The following MYT1L variants were observed in gnomAD, a reference collection of about 807,000 sequenced individuals.
MYT1L encodes the protein myelin transcription factor 1-like protein.
A neutral mutation model predicts 126.7 loss-of-function variants in MYT1L; 12 were observed. That is an observed-to-expected ratio of 0.09 (90% CI 0.06 to 0.15). The LOEUF is 0.15. Among genes scored for constraint, MYT1L ranks in the 10% least tolerant of loss-of-function variants. The pLI is 1.00. For missense variants in MYT1L, 979 were observed against 1,585.2 expected, an observed-to-expected ratio of 0.62 and a Z score of 6.49; for synonymous variants, 541 against 604.2, an observed-to-expected ratio of 0.90 and a Z score of 1.53.
intron 21 of MYT1L, 91 bp from the exon 22 acceptor site, chr2:1,809,258 T>C: frequency 1.6e-6 from 2 of 1,252,300 alleles, no homozygotes. Flanking sequence ...AGAATAGCAT[T>C]ATTAGGTTGG....
At position 2,140,436 on chromosome 2, in the gene MYT1L, T is replaced by C. The variant is rs1400675750; in HGVS notation, c.-304+32436A>G. ...TTATTTTTTTTCTTTCTTTTTCTTT[T>C]TTTTTTTTTTTTTTTTGAGACAGAG... On this transcript the variant is annotated intron_variant, in intron 3 of 24. Coordinates refer to ENST00000647738, the MANE Select transcript of MYT1L (RefSeq NM_001303052.2). Among the ~76,000 whole-genome samples the C allele has an allele frequency of 1.9e-4, 27 of 141,430 alleles. 1 individual carries two copies. The highest frequency in any genetic ancestry group is 1.0e-3 in the Admixed American group (15 of 14,414). The allele number at this position is 141,430 out of a possible 152,430, so 92.8% of individuals were successfully genotyped here.
chr2:2,016,196 C>T (rs998014015), intron 4 of MYT1L, among the ~76,000 whole-genome samples: 1 of 152,224 alleles, frequency 6.6e-6, no homozygotes, highest in African/African-American at 2.4e-5. Flanking sequence ...AGCCACTGCT[C>T]TCTGGAGCTT....
intron 2 of MYT1L, among the ~76,000 whole-genome samples, chr2:2,254,483 C>T (rs1208203409): frequency 6.6e-6 from 1 of 152,176 alleles, no homozygotes; most frequent in African/African-American, 2.4e-5. Flanking sequence ...AGAAGGGACT[C>T]TAGAGCTGCA....
chr2:1,887,384 T>C lies in MYT1L; in HGVS notation c.2642+104A>G, dbSNP rs940871036. 4.0e-5 allele frequency: 58 copies of C among 1,458,722 alleles called. No individual in the cohort carries two copies. The highest frequency in any genetic ancestry group is 5.4e-5 in the Non-Finnish European group (57 of 1,050,968). 90.4% of individuals were successfully genotyped at this position (1,458,722 alleles called of 1,614,324 possible). A position where few individuals can be genotyped will look rare whatever the true frequency, so the allele number is the denominator to read the frequency against. On this transcript the variant is annotated intron_variant, in intron 17 of 24. Coordinates refer to ENST00000647738, the MANE Select transcript of MYT1L (RefSeq NM_001303052.2). The surrounding 1 kb of genome is among the most constrained non-coding windows in gnomAD (Gnocchi z 4.8). The stretch of plus-strand genomic sequence containing the variant: ...CGGAAACATTTATATGCTGCGAATG[T>C]CGCATGCTCAAACGGCAAGGCATAT...
At chr2:1,993,387 A>G (rs2061590721) in intron 5 of MYT1L, among the ~76,000 whole-genome samples, 1 of 152,188 alleles carries the variant, frequency 6.6e-6, no homozygotes, top group South Asian at 2.1e-4. Context: ...CCACAATGGA[A>G]TGAATACACA....
chr2:2,098,158 T>C (rs1031972725), intron 3 of MYT1L, among the ~76,000 whole-genome samples: 1 of 152,174 alleles, frequency 6.6e-6, no homozygotes, highest in Admixed American at 6.5e-5. Flanking sequence ...CAGATATTCC[T>C]TTGTAGTGAT....
At chr2:2,143,259 C>T (rs2084309308) in intron 3 of MYT1L, among the ~76,000 whole-genome samples, 1 of 147,456 alleles carries the variant, frequency 6.8e-6, no homozygotes, top group African/African-American at 2.5e-5. Flanking sequence ...CACTGCATTC[C>T]AGCCTGGGCG....
At chr2:2,121,914 A>G (rs2081069772) in intron 3 of MYT1L, among the ~76,000 whole-genome samples, 2 of 152,134 alleles carry the variant, frequency 1.3e-5, no homozygotes, top group African/African-American at 4.8e-5. Context: ...TTTCTGCCAC[A>G]TGAGACCACC....
chr2:2,072,458 C>G (rs1357728711), intron 3 of MYT1L, among the ~76,000 whole-genome samples: 1 of 152,200 alleles, frequency 6.6e-6, no homozygotes, highest in Non-Finnish European at 1.5e-5. Flanking sequence ...TCAGAATCGT[C>G]TTCCTGTCCT....
rs200666062 is a variant in MYT1L at position 2,009,149 on chromosome 2, GT to G, written c.-157-11803del. On this transcript the variant is annotated intron_variant, in intron 4 of 24. Transcript: ENST00000647738. ...CCAACTTTGTTTTTCCTTCTCAGTGGTTTTTTTTTTCTTTTTTTCCTGGCTT... is the reference window on the plus strand; with the variant it reads ...CCAACTTTGTTTTTCCTTCTCAGTGGTTTTTTTTTCTTTTTTTCCTGGCTT... Among the ~76,000 whole-genome samples, 12 of 145,136 alleles carry G rather than the reference GT, an allele frequency of 8.3e-5. No homozygotes were observed. The South Asian group carries it at 9.2e-4, about 11-fold the overall frequency.
Position 2,082,334 on chromosome 2 carries a change from G to A in MYT1L, c.-303-28211C>T, listed in dbSNP as rs73190474. Among the ~76,000 whole-genome samples the A allele has an allele frequency of 9.5e-3, 1,453 of 152,310 alleles. 23 individuals carry two copies. The highest frequency in any genetic ancestry group is 0.033 in the African/African-American group (1,353 of 41,566). On this transcript the variant is annotated intron_variant, in intron 3 of 24. Coordinates refer to ENST00000647738, the MANE Select transcript of MYT1L (RefSeq NM_001303052.2). ...AACTAACATTGTTTGAAGTTATGGAGAACTTTAGTACCATAAAAGTTAAGT... is the reference window on the plus strand; with the variant it reads ...AACTAACATTGTTTGAAGTTATGGAAAACTTTAGTACCATAAAAGTTAAGT...
intron 4 of MYT1L, among the ~76,000 whole-genome samples, chr2:2,016,630 T>C (rs1336670142): frequency 6.6e-6 from 1 of 152,116 alleles, no homozygotes; most frequent in Non-Finnish European, 1.5e-5. Flanking sequence ...TGGGGAAACA[T>C]ATGTGAAAGA....
chr2:2,157,633 A>G (rs896651407), intron 3 of MYT1L, among the ~76,000 whole-genome samples: 3 of 152,228 alleles, frequency 2.0e-5, no homozygotes, highest in Non-Finnish European at 4.4e-5. Flanking sequence ...GAAAGGCAGG[A>G]GATGAAACAT....
At chr2:2,037,486 C>T (rs1283961863) in intron 4 of MYT1L, among the ~76,000 whole-genome samples, 6 of 150,516 alleles carry the variant, frequency 4.0e-5, no homozygotes, top group East Asian at 2.0e-4. Context: ...CCAGGGACGG[C>T]GGCTCATGCC....
chr2:1,994,640 G>C (rs2149590786), intron 5 of MYT1L, among the ~76,000 whole-genome samples: 1 of 152,352 alleles, frequency 6.6e-6, no homozygotes, highest in Non-Finnish European at 1.5e-5. Flanking sequence ...ATTTTAACAA[G>C]TAATAGACAG....
At chr2:1,902,873 T>TCC in intron 14 of MYT1L, 1 of 575,184 alleles carries the variant, frequency 1.7e-6, no homozygotes, top group Admixed American at 3.1e-5. Context: ...GGAAACCATC[T>TCC]CCTTCCTTCC....
chr2:2,095,009 C>A (rs2150414138), intron 3 of MYT1L, among the ~76,000 whole-genome samples: 1 of 152,308 alleles, frequency 6.6e-6, no homozygotes, highest in Non-Finnish European at 1.5e-5. Flanking sequence ...AGCCGTGTCT[C>A]CAAGGAACCC....
chr2:2,196,959 A>G (rs1480937689), intron 2 of MYT1L, among the ~76,000 whole-genome samples: 1 of 152,132 alleles, frequency 6.6e-6, no homozygotes, highest in Non-Finnish European at 1.5e-5. Flanking sequence ...TTCAAGAGTC[A>G]GATCTGAAAT....
chr2:1,886,651 G>C (rs374846980), intron 17 of MYT1L, 44 bp from the exon 18 acceptor site: 1 of 1,336,944 alleles, frequency 7.5e-7, no homozygotes, highest in Non-Finnish European at 1.0e-6. Flanking sequence ...ACTGCGAAGC[G>C]CGTAACTCCC....
Sources: allele counts gnomAD v4.1 joint callset (sites outside exome capture counted in the v4.1 genomes callset), GRCh38; gene constraint gnomAD v4.1.1; non-coding constraint Gnocchi (gnomAD v3.1); transcripts MANE v1.5; gene names NCBI Gene and HGNC (gene_info 2026-07-23, HGNC 2026-07-21).